FYB1: variants seen among roughly 807,000 people sequenced by gnomAD.
The protein encoded by FYB1 is FYN-binding protein 1.
A neutral mutation model predicts 94.1 loss-of-function variants in FYB1; 41 were observed. The observed-to-expected ratio is 0.44, with a 90% CI of 0.34 to 0.57. The LOEUF (loss-of-function observed/expected upper bound fraction) is 0.57. Among genes scored for constraint, FYB1 ranks in the 20% least tolerant of loss-of-function variants. FYB1 has a pLI of 0.02. For synonymous variants in FYB1, 367 were observed against 353.2 expected (o/e 1.04, Z -0.44); for missense variants, 1,050 against 976.8 (o/e 1.07, Z -1.00).
rs3085950 is a variant in FYB1, at chr5:39,247,071, CATATATATATATATATAT to C, written c.-28+27314_-28+27331del. Among the ~76,000 whole-genome samples, 232 of 65,624 alleles carry C rather than the reference CATATATATATATATATAT, an allele frequency of 3.5e-3. 6 individuals carry two copies. Among genetic ancestry groups the C allele is most frequent in the Admixed American group, 0.029 (150 of 5,140 alleles). The allele number at this position is 65,624 out of a possible 152,430, so 43.1% of individuals were successfully genotyped here. On this transcript the variant is annotated intron_variant, in intron 1 of 1. Coordinates refer to the FYB1 transcript ENST00000510188. ...ATGGTGCACACACAAAATGCGTGTT[CATATATATATATATATAT>C]ATATATATATATATATATATATATA...
At chr5:39,241,067 A>G (rs1661852) in intron 1 of FYB1, among the ~76,000 whole-genome samples, 23,084 of 152,156 alleles carry the variant, frequency 0.15, 4,636 homozygotes, top group African/African-American at 0.44. Flanking sequence ...TAACACAGAA[A>G]CAGAAAACCA....
chr5:39,153,753 T>C lies in FYB1; in HGVS notation c.1136-149A>G, dbSNP rs1010084092. The C allele has an allele frequency of 1.0e-5, 7 of 701,196 alleles. No individual in the cohort carries two copies. The East Asian group carries it at 1.9e-4, about 19-fold the overall frequency. 43.4% of individuals were successfully genotyped at this position (701,196 alleles called of 1,614,324 possible). A position where few individuals can be genotyped will look rare whatever the true frequency, so the allele number is the denominator to read the frequency against. ...ATTTTCAATAAAGAGTATGTTTATTTTATTATTATTACTACGTTGTGTGCT... is the reference window on the plus strand; with the variant it reads ...ATTTTCAATAAAGAGTATGTTTATTCTATTATTATTACTACGTTGTGTGCT... On this transcript the variant is annotated intron_variant, in intron 2 of 18. Transcript: ENST00000512982.
chr5:39,166,493 G>T (rs1391295519), intron 2 of FYB1, among the ~76,000 whole-genome samples: 1 of 151,482 alleles, frequency 6.6e-6, no homozygotes, highest in Non-Finnish European at 1.5e-5. Context: ...ACCTGCACTT[G>T]TATGTTTATC....
At chr5:39,217,913 G>A (rs928811582) in intron 1 of FYB1, among the ~76,000 whole-genome samples, 7 of 152,310 alleles carry the variant, frequency 4.6e-5, no homozygotes, top group African/African-American at 1.7e-4. Context: ...AGCACATTGA[G>A]GCTGGTAAAA....
chr5:39,160,708 C>G (rs1233399542), intron 2 of FYB1, among the ~76,000 whole-genome samples: 1 of 152,168 alleles, frequency 6.6e-6, no homozygotes, highest in Non-Finnish European at 1.5e-5. Flanking sequence ...TCTTAACTTG[C>G]AGGGCTGCTA....
intron 1 of FYB1, among the ~76,000 whole-genome samples, chr5:39,231,864 C>A (rs1457832738): frequency 6.6e-6 from 1 of 151,988 alleles, no homozygotes; most frequent in Non-Finnish European, 1.5e-5. Context: ...ACAGTGCCAA[C>A]TTCAGCCTTG....
intron 10 of FYB1, among the ~76,000 whole-genome samples, chr5:39,128,115 A>C (rs1389619223): frequency 1.3e-5 from 2 of 152,138 alleles, no homozygotes; most frequent in Non-Finnish European, 2.9e-5. Context: ...AAAAGAAGTG[A>C]GGAGGTGATA....
At chr5:39,158,840 A>G (rs1462501612) in intron 2 of FYB1, among the ~76,000 whole-genome samples, 1 of 152,164 alleles carries the variant, frequency 6.6e-6, no homozygotes, top group Admixed American at 6.5e-5. Flanking sequence ...CCCAATTGCC[A>G]CAAAACCCTG....
intron 10 of FYB1, among the ~76,000 whole-genome samples, chr5:39,128,515 T>G (rs1197419864): frequency 6.6e-6 from 1 of 152,080 alleles, no homozygotes; most frequent in Admixed American, 6.6e-5. Context: ...ACAGTCAAGG[T>G]GACTAGATAG....
chr5:39,107,996 T>C (rs1421353103), intron 18 of FYB1, among the ~76,000 whole-genome samples: 1 of 152,060 alleles, frequency 6.6e-6, no homozygotes, highest in Non-Finnish European at 1.5e-5. Context: ...TTCCCAAATA[T>C]TTTTATACTT....
At chr5:39,232,574 T>G (rs542275528) in intron 1 of FYB1, among the ~76,000 whole-genome samples, 13 of 152,098 alleles carry the variant, frequency 8.5e-5, no homozygotes, top group Non-Finnish European at 1.8e-4. Context: ...TTTGCTTTTT[T>G]TAAAAATTAT....
chr5:39,235,217 A>G (rs1750908855), intron 1 of FYB1, among the ~76,000 whole-genome samples: 1 of 152,020 alleles, frequency 6.6e-6, no homozygotes, highest in Non-Finnish European at 1.5e-5. Context: ...GAGGCAAGAA[A>G]CAATGACTGT....
chr5:39,164,771 G>C (rs115652157), intron 2 of FYB1, among the ~76,000 whole-genome samples: 1 of 152,114 alleles, frequency 6.6e-6, no homozygotes, highest in Non-Finnish European at 1.5e-5. Flanking sequence ...AGAAAGCCTC[G>C]CAAAGAAATT....
intron 2 of FYB1, among the ~76,000 whole-genome samples, chr5:39,184,423 T>C (rs1003273413): frequency 6.6e-6 from 1 of 152,200 alleles, no homozygotes; most frequent in Admixed American, 6.5e-5. Flanking sequence ...TACTACAATG[T>C]GCAATTTTGA....
upstream of FYB1, among the ~76,000 whole-genome samples, chr5:39,221,235 G>A (rs1351478713): frequency 1.3e-5 from 2 of 151,970 alleles, no homozygotes; most frequent in Non-Finnish European, 2.9e-5. Flanking sequence ...ATGCTGTGGG[G>A]GCCTGAGCTC....
intron 2 of FYB1, among the ~76,000 whole-genome samples, chr5:39,184,282 T>C (rs1271233348): frequency 2.0e-5 from 3 of 152,156 alleles, no homozygotes; most frequent in Non-Finnish European, 2.9e-5. Flanking sequence ...GTTATTGAAA[T>C]AGAAGAACAA....
chr5:39,135,074 A>G, intron 7 of FYB1, 60 bp from the exon 8 acceptor site: 1 of 1,568,336 alleles, frequency 6.4e-7, no homozygotes, highest in African/African-American at 1.4e-5. Context: ...ATCTTTAAGG[A>G]ATGCAATTTT....
intron 1 of FYB1, among the ~76,000 whole-genome samples, chr5:39,259,052 TG>T (rs1455538599): frequency 6.6e-6 from 1 of 152,062 alleles, no homozygotes; most frequent in Non-Finnish European, 1.5e-5. Context: ...GATTCTCAAC[TG>T]GGGGGTTGGG....
At chr5:39,182,492 A>G (rs1248336048) in intron 2 of FYB1, among the ~76,000 whole-genome samples, 3 of 152,142 alleles carry the variant, frequency 2.0e-5, no homozygotes, top group Non-Finnish European at 4.4e-5. Context: ...TAAAATTTTA[A>G]TTACATAAAG....
Sources: allele counts gnomAD v4.1 joint callset (sites outside exome capture counted in the v4.1 genomes callset), GRCh38; gene constraint gnomAD v4.1.1; transcripts MANE v1.5; gene names NCBI Gene and HGNC (gene_info 2026-07-23, HGNC 2026-07-21).